DCAF8L2: variants seen among roughly 807,000 people sequenced by gnomAD.
The protein encoded by DCAF8L2 is DDB1 and CUL4 associated factor 8 like 2, also known as DDB1- and CUL4-associated factor 8-like protein 2.
For synonymous variants in DCAF8L2, 200 were observed against 190.9 expected, an observed-to-expected ratio of 1.05 and a Z score of -0.39; for missense variants, 430 against 490.7, an observed-to-expected ratio of 0.88 and a Z score of 1.17.
intron 3 of DCAF8L2, among the ~76,000 whole-genome samples, chrX:27,696,314 GAAAGAAAGAA>G (rs1273963001): frequency 2.6e-5 from 2 of 76,387 alleles, no homozygotes; most frequent in South Asian, 1.0e-3. Flanking sequence ...AAGAAAGAAA[GAAAGAAAGAA>G]AGAAAGAAAA....
At position 27,668,812 on chromosome X, in the gene DCAF8L2, G is replaced by A. The variant is rs184634734; in HGVS notation, c.-219-9024G>A. On this transcript the variant is annotated intron_variant, in intron 2 of 4. Transcript: ENST00000451261. ...TACTGAAAATACAAAAATTAGCCAG[G>A]CGTGGTGGTGGGCGCCTGTAATCCC... 2.0e-4 allele frequency among the ~76,000 whole-genome samples: 22 copies of A among 111,046 alleles called. No individual in the cohort carries two copies. In the East Asian group the frequency reaches 4.6e-3, roughly 23 times the overall value.
intron 3 of DCAF8L2, among the ~76,000 whole-genome samples, chrX:27,683,441 C>T (rs780521031): frequency 8.9e-6 from 1 of 112,512 alleles, no homozygotes; most frequent in South Asian, 3.7e-4. Flanking sequence ...CTTCTTAAAG[C>T]TTTATTTAAG....
At chrX:27,502,336 ATATATATATATATATATATATATATAT>A in the DCAF8L2 span, among the ~76,000 whole-genome samples, 11 of 10,900 alleles carry the variant, frequency 1.0e-3, no homozygotes, top group Admixed American at 1.6e-3. Context: ...AAAAAAAAAA[ATATATATATATATATATATATATATAT>A]ATATATATAT....
upstream of DCAF8L2, among the ~76,000 whole-genome samples, chrX:27,590,196 CACA>C (rs1402797624): frequency 9.0e-6 from 1 of 111,217 alleles, no homozygotes; most frequent in Non-Finnish European, 1.9e-5. Context: ...ACTAGAGAGC[CACA>C]ACTTTAGCCA....
chrX:27,493,724 G>A, the DCAF8L2 span, among the ~76,000 whole-genome samples: 226 of 26,534 alleles, frequency 8.5e-3, 4 homozygotes, highest in Middle Eastern at 0.039. Context: ...AAAAAAAAAA[G>A]AAAAAAAAAA....
intron 3 of DCAF8L2, among the ~76,000 whole-genome samples, chrX:27,690,019 T>C (rs961682508): frequency 8.9e-6 from 1 of 111,812 alleles, no homozygotes; most frequent in African/African-American, 3.2e-5. Context: ...TAATTATATA[T>C]GCATATATTC....
chrX:27,689,817 G>A (rs764337861), intron 3 of DCAF8L2, among the ~76,000 whole-genome samples: 1 of 111,949 alleles, frequency 8.9e-6, no homozygotes, highest in South Asian at 3.7e-4. Context: ...AATGTAGTGA[G>A]AGAAGCAGAC....
the DCAF8L2 span, among the ~76,000 whole-genome samples, chrX:27,558,862 C>T: frequency 3.7e-5 from 4 of 106,875 alleles, no homozygotes; most frequent in South Asian, 8.8e-4. Context: ...TGTGTTCCAA[C>T]ACTTTATTAG....
the DCAF8L2 span, among the ~76,000 whole-genome samples, chrX:27,552,047 T>C: frequency 1.8e-5 from 2 of 111,920 alleles, no homozygotes; most frequent in African/African-American, 6.5e-5. Flanking sequence ...GGTGCAGTGG[T>C]ATCTCATTGT....
chrX:27,691,417 CA>C (rs1425980466), intron 3 of DCAF8L2, among the ~76,000 whole-genome samples: 1 of 111,200 alleles, frequency 9.0e-6, no homozygotes, highest in African/African-American at 3.3e-5. Context: ...AAATAAAACA[CA>C]GTTTTAAAAT....
At position 27,749,178 on chromosome X, in the gene DCAF8L2, CTTTTTACTTTTTTTCATCTTTAACAAT is replaced by C. The variant is rs1453691869; in HGVS notation, c.*393_*419del. ...AATCTGACAGTCTGAAAACGGTTAC[CTTTTTACTTTTTTTCATCTTTAACAAT>C]TTTTTCTGAAGATCGAGTTCCTCAG... is the stretch of plus-strand genomic sequence containing the variant. On this transcript the variant is annotated 3_prime_UTR_variant, in exon 5 of 5. Transcript: ENST00000451261. Among the ~76,000 whole-genome samples, 40 of 111,792 alleles carry C rather than the reference CTTTTTACTTTTTTTCATCTTTAACAAT, an allele frequency of 3.6e-4. No homozygotes were observed. Among genetic ancestry groups the C allele is most frequent in the African/African-American group, 1.2e-3 (36 of 30,776 alleles).
chrX:27,471,559 C>A, the DCAF8L2 span, among the ~76,000 whole-genome samples: 39 of 111,102 alleles, frequency 3.5e-4, no homozygotes, highest in Admixed American at 8.7e-4. Flanking sequence ...ATTTTCATAT[C>A]TCCTTCCTCA....
At chrX:27,607,043 C>A (rs1926939210) in intron 1 of DCAF8L2, among the ~76,000 whole-genome samples, 1 of 110,629 alleles carries the variant, frequency 9.0e-6, no homozygotes, top group Admixed American at 9.7e-5. Flanking sequence ...AATACTTGTA[C>A]AAAAAAATGT....
At chrX:27,514,303 A>G in the DCAF8L2 span, among the ~76,000 whole-genome samples, 2 of 80,307 alleles carry the variant, frequency 2.5e-5, no homozygotes, top group South Asian at 1.4e-3. Context: ...GCATATGTGC[A>G]CATATGTGTA....
chrX:27,724,951 G>A (rs1415452656), intron 4 of DCAF8L2, among the ~76,000 whole-genome samples: 1 of 110,538 alleles, frequency 9.0e-6, no homozygotes, highest in East Asian at 2.8e-4. Flanking sequence ...CTGAGAAAAC[G>A]GACTAACAGC....
At chrX:27,475,177 T>A in the DCAF8L2 span, among the ~76,000 whole-genome samples, 1 of 107,890 alleles carries the variant, frequency 9.3e-6, no homozygotes, top group Non-Finnish European at 1.9e-5. Flanking sequence ...GCAAAATGAC[T>A]TTAAATTGCT....
chrX:27,709,347 T>C (rs1014223174), intron 3 of DCAF8L2, among the ~76,000 whole-genome samples: 4 of 112,877 alleles, frequency 3.5e-5, no homozygotes, highest in Admixed American at 9.4e-5. Flanking sequence ...ACACTTTTTT[T>C]ATAACATTAT....
the DCAF8L2 span, among the ~76,000 whole-genome samples, chrX:27,524,986 C>G: frequency 8.9e-6 from 1 of 112,048 alleles, no homozygotes; most frequent in African/African-American, 3.2e-5. Flanking sequence ...CGATGTGGTG[C>G]TGAGAAGAAT....
In DCAF8L2 at chrX:27,747,008, A is replaced by G. The variant is rs1170179213; in HGVS notation, c.113A>G (p.Asp38Gly). Reference protein sequence around the residue: ...GAVAATEASSDIDIATSELSV... With the variant: ...GAVAATEASSGIDIATSELSV... ...GTGGCGGCGACAGAGGCCTCCTCAGACATTGACATAGCGACCTCAGAGCTG... is the reference window on the plus strand; with the variant it reads ...GTGGCGGCGACAGAGGCCTCCTCAGGCATTGACATAGCGACCTCAGAGCTG... Residue 38 changes from aspartate (D) to glycine (G), a missense_variant, in exon 5 of 5, where the codon GAC (aspartate) becomes GGC (glycine). Transcript: ENST00000451261. The G allele has an allele frequency of 1.7e-6, 2 of 1,182,865 alleles. No homozygotes were observed. The highest frequency in any genetic ancestry group is 2.3e-6 in the Non-Finnish European group (2 of 881,150).
Sources: allele counts gnomAD v4.1 joint callset (sites outside exome capture counted in the v4.1 genomes callset), GRCh38; gene constraint gnomAD v4.1.1; transcripts MANE v1.5; gene names NCBI Gene and HGNC (gene_info 2026-07-23, HGNC 2026-07-21).